The following FGF14 variants were observed in gnomAD, a reference collection of about 807,000 sequenced individuals.
FGF14 encodes fibroblast growth factor 14, also known as fibroblast growth factor homologous factor 4.
A neutral mutation model predicts 25.5 loss-of-function variants in FGF14; 5 were observed. That is an observed-to-expected ratio of 0.20 (90% CI 0.10 to 0.41). The LOEUF is 0.41. Ranked by LOEUF, FGF14 falls within the 10% of genes least tolerant of loss-of-function variation. The probability of loss-of-function intolerance (pLI) is 1.00; values close to 1 mark genes in which losing one functional copy is unlikely to be tolerated. For missense variants in FGF14, 222 were observed against 320.1 expected, an observed-to-expected ratio of 0.69 and a Z score of 2.34; for synonymous variants, 138 against 118.3, an observed-to-expected ratio of 1.17 and a Z score of -1.08.
chr13:102,326,693 G>GGGAGGAA (rs2056445744), intron 1 of FGF14, among the ~76,000 whole-genome samples: 3 of 29,344 alleles, frequency 1.0e-4, no homozygotes, highest in Non-Finnish European at 1.3e-4. Flanking sequence ...GGGAAGGGAA[G>GGGAGGAA]GGAAGGAAGG....
chr13:102,340,661 A>C (rs2138899541), intron 1 of FGF14, among the ~76,000 whole-genome samples: 1 of 152,366 alleles, frequency 6.6e-6, no homozygotes, highest in South Asian at 2.1e-4. Flanking sequence ...AAAGAAATAG[A>C]GAAAGTGTCC....
chr13:102,374,890 T>A (rs2058001706), intron 1 of FGF14, among the ~76,000 whole-genome samples: 1 of 151,754 alleles, frequency 6.6e-6, no homozygotes, highest in Admixed American at 6.6e-5. Context: ...AACAATTTCA[T>A]TAAAATACAG....
chr13:101,882,824 T>G (rs549867769), intron 1 of FGF14, among the ~76,000 whole-genome samples: 1 of 152,168 alleles, frequency 6.6e-6, no homozygotes, highest in Admixed American at 6.5e-5. Flanking sequence ...TTAAAGCTAC[T>G]TCCATTTAAA....
At chr13:102,039,419 T>C (rs1298278593) in intron 1 of FGF14, among the ~76,000 whole-genome samples, 1 of 152,230 alleles carries the variant, frequency 6.6e-6, no homozygotes, top group East Asian at 1.9e-4. Flanking sequence ...CATTGTTTCA[T>C]AGTTCTGGGC....
In FGF14 at chr13:102,080,531, T is replaced by C. The variant is rs371651766; in HGVS notation, c.209-205235A>G. ...ATTTTCTCCTTTTAAGATGAGGATA[T>C]TTAATAATCACTCTCTTGATTCTCT... On this transcript the variant is annotated intron_variant, in intron 1 of 4. Coordinates refer to the FGF14 transcript ENST00000376131. 1.1e-4 allele frequency among the ~76,000 whole-genome samples: 16 copies of C among 152,316 alleles called. No homozygotes were observed. In the East Asian group the frequency reaches 3.1e-3, roughly 29 times the overall value.
At chr13:102,035,208 A>T (rs536091959) in intron 1 of FGF14, among the ~76,000 whole-genome samples, 1 of 152,280 alleles carries the variant, frequency 6.6e-6, no homozygotes, top group South Asian at 2.1e-4. Flanking sequence ...ATAAGGTTCT[A>T]AGGATATGCA....
At chr13:101,896,764 C>T (rs1337210607) in intron 1 of FGF14, among the ~76,000 whole-genome samples, 1 of 152,154 alleles carries the variant, frequency 6.6e-6, no homozygotes, top group Non-Finnish European at 1.5e-5. Context: ...TGATGCAATG[C>T]TGCATCAACA....
At chr13:102,371,934 A>G (rs1033749917) in intron 1 of FGF14, among the ~76,000 whole-genome samples, 1 of 152,176 alleles carries the variant, frequency 6.6e-6, no homozygotes, top group African/African-American at 2.4e-5. Flanking sequence ...ACTATCACAC[A>G]TTCTCTTTAA....
At chr13:102,317,728 A>G (rs2056087348) in intron 1 of FGF14, among the ~76,000 whole-genome samples, 1 of 152,122 alleles carries the variant, frequency 6.6e-6, no homozygotes, top group Admixed American at 6.6e-5. Context: ...TGGGGAGGAA[A>G]CATCCCACCC....
rs1040049364 is a variant in FGF14 at position 102,063,394 on chromosome 13, T to C, written c.209-188098A>G. On this transcript the variant is annotated intron_variant, in intron 1 of 4. Coordinates refer to the FGF14 transcript ENST00000376131. ...CTGTGAGAGGCCAAGATGGGCAGAC[T>C]GCCTGAGTTCAGGAGTTTGAGACCA... Among the ~76,000 whole-genome samples the C allele has an allele frequency of 2.6e-5, 4 of 152,258 alleles. No individual in the cohort carries two copies. In the East Asian group the frequency reaches 5.8e-4, roughly 22 times the overall value.
intron 1 of FGF14, among the ~76,000 whole-genome samples, chr13:102,227,138 T>C (rs1371381252): frequency 1.3e-5 from 2 of 152,118 alleles, no homozygotes; most frequent in Admixed American, 6.6e-5. Flanking sequence ...ATAAAGCCTA[T>C]ATTATTATTA....
chr13:102,379,207 C>A (rs529855361), intron 1 of FGF14, among the ~76,000 whole-genome samples: 33 of 152,084 alleles, frequency 2.2e-4, no homozygotes, highest in African/African-American at 7.9e-4. Flanking sequence ...CAAGTTTGGG[C>A]TAGAGATATC....
At chr13:102,202,293 T>C (rs1272713504) in intron 1 of FGF14, among the ~76,000 whole-genome samples, 1 of 152,172 alleles carries the variant, frequency 6.6e-6, no homozygotes, top group African/African-American at 2.4e-5. Context: ...AAGATTATCA[T>C]GGTCGGGAAA....
At chr13:101,969,368 C>A (rs1324295283) in intron 1 of FGF14, among the ~76,000 whole-genome samples, 1 of 152,110 alleles carries the variant, frequency 6.6e-6, no homozygotes, top group African/African-American at 2.4e-5. Flanking sequence ...TCGAGACCAT[C>A]CTGGCTAACA....
chr13:101,743,269 A>G (rs1372255337), intron 3 of FGF14, among the ~76,000 whole-genome samples: 1 of 152,210 alleles, frequency 6.6e-6, no homozygotes, highest in Admixed American at 6.5e-5. Flanking sequence ...GTTTACAGAG[A>G]CTAAGAATGA....
chr13:102,203,500 C>A (rs1432350276), intron 1 of FGF14, among the ~76,000 whole-genome samples: 3 of 152,126 alleles, frequency 2.0e-5, no homozygotes, highest in African/African-American at 7.2e-5. Context: ...TAATTTTGTA[C>A]AATGCATCTA....
chr13:102,360,285 T>C (rs1047593697), intron 1 of FGF14, among the ~76,000 whole-genome samples: 8 of 152,306 alleles, frequency 5.3e-5, no homozygotes, highest in African/African-American at 1.9e-4. Flanking sequence ...TTCCAGATGA[T>C]CTTGTTGGGA....
At chr13:101,824,494 T>A (rs1243441676) in intron 3 of FGF14, among the ~76,000 whole-genome samples, 4 of 152,358 alleles carry the variant, frequency 2.6e-5, no homozygotes, top group South Asian at 4.1e-4. Context: ...TTTGATTTTT[T>A]AAATTACTAT....
At chr13:101,755,105 C>G (rs1594134675) in intron 3 of FGF14, among the ~76,000 whole-genome samples, 1 of 152,060 alleles carries the variant, frequency 6.6e-6, no homozygotes, top group Admixed American at 6.6e-5. Context: ...GTAATCATAA[C>G]AATGTCTGGA....
Sources: gnomAD v4.1 joint callset for allele counts (sites outside exome capture counted in the v4.1 genomes callset) on GRCh38, gnomAD v4.1.1 for gene constraint, MANE v1.5 for transcripts, NCBI Gene and HGNC (gene_info 2026-07-23, HGNC 2026-07-21) for gene names.